VPS13A: variants seen among roughly 807,000 people sequenced by gnomAD.
VPS13A encodes vacuolar protein sorting 13 homolog A, also known as intermembrane lipid transfer protein VPS13A.
A neutral mutation model predicts 390.9 loss-of-function variants in VPS13A; 264 were observed. The observed-to-expected ratio is 0.68, with a 90% CI of 0.61 to 0.75. The LOEUF (loss-of-function observed/expected upper bound fraction) is 0.75. Ranked by LOEUF, VPS13A falls within the 30% of genes least tolerant of loss-of-function variation. VPS13A has a pLI of 0.00. For synonymous variants in VPS13A, 1,231 were observed against 1,227.1 expected, an observed-to-expected ratio of 1.00 and a Z score of -0.07; for missense variants, 3,409 against 3,733.9, an observed-to-expected ratio of 0.91 and a Z score of 2.27.
intron 68 of VPS13A, chr9:77,384,536 C>T: frequency 6.2e-7 from 1 of 1,609,424 alleles, no homozygotes; most frequent in Non-Finnish European, 8.5e-7. Context: ...AGCAATTTGC[C>T]ATACTCTACT....
chr9:77,307,106 G>C (rs72744289), intron 34 of VPS13A, among the ~76,000 whole-genome samples: 8,727 of 152,030 alleles, frequency 0.057, 369 homozygotes, highest in South Asian at 0.12. Context: ...GTTTCACCGT[G>C]TTGGCTGGGC....
chr9:77,366,687 A>G, intron 60 of VPS13A, 40 bp from the exon 61 acceptor site: 1 of 1,537,952 alleles, frequency 6.5e-7, no homozygotes, highest in South Asian at 1.2e-5. Context: ...TGTCAATATG[A>G]AGAAAATACT....
chr9:77,354,839 G>A (rs1227330351), intron 54 of VPS13A, among the ~76,000 whole-genome samples: 1 of 152,070 alleles, frequency 6.6e-6, no homozygotes, highest in Non-Finnish European at 1.5e-5. Flanking sequence ...ACCAGCGTTT[G>A]CATACTACTT....
intron 45 of VPS13A, among the ~76,000 whole-genome samples, chr9:77,327,504 T>C (rs1368741316): frequency 6.6e-6 from 1 of 152,132 alleles, no homozygotes; most frequent in African/African-American, 2.4e-5. Context: ...TTCTCATGTT[T>C]TATATGCTGC....
At position 77,220,099 on chromosome 9, in the gene VPS13A, A is replaced by G; in HGVS notation, c.882+18A>G. 3.1e-6 allele frequency: 5 copies of G among 1,590,836 alleles called. No homozygotes were observed. Among genetic ancestry groups the G allele is most frequent in the Non-Finnish European group, 3.4e-6 (4 of 1,162,674 alleles). ...AACCACAGGTGATTTTCTTTAATAT[A>G]ATTTTCAATTGTGAATTATTGTTTG... On this transcript the variant is annotated intron_variant, in intron 11 of 71. Transcript: ENST00000360280.
intron 46 of VPS13A, among the ~76,000 whole-genome samples, chr9:77,334,773 G>A (rs1481213194): frequency 6.6e-6 from 1 of 152,178 alleles, no homozygotes; most frequent in African/African-American, 2.4e-5. Flanking sequence ...AAAAATTAAG[G>A]TTTTGTCTTT....
intron 71 of VPS13A, among the ~76,000 whole-genome samples, chr9:77,413,645 A>C (rs1835041636): frequency 6.6e-6 from 1 of 152,236 alleles, no homozygotes; most frequent in African/African-American, 2.4e-5. Flanking sequence ...ACCCTAGAAG[A>C]AAACTTAGGC....
intron 52 of VPS13A, among the ~76,000 whole-genome samples, chr9:77,348,065 TG>T (rs1831250297): frequency 6.6e-6 from 1 of 152,180 alleles, no homozygotes. Context: ...GACAGTGTGG[TG>T]ATTCCTCAAA....
intron 50 of VPS13A, among the ~76,000 whole-genome samples, chr9:77,341,637 T>C (rs762646889): frequency 2.7e-4 from 40 of 149,698 alleles, no homozygotes; most frequent in Non-Finnish European, 5.0e-4. Flanking sequence ...AGCTCTTTTA[T>C]ATTTTCCAAC....
intron 23 of VPS13A, among the ~76,000 whole-genome samples, chr9:77,270,277 C>G (rs558379448): frequency 1.3e-5 from 2 of 152,220 alleles, no homozygotes; most frequent in Admixed American, 6.5e-5. Context: ...GACGTTCAAG[C>G]TGTTTCTGTT....
chr9:77,370,735 T>G (rs1304110637), intron 65 of VPS13A, 155 bp from the exon 66 acceptor site: 6 of 627,920 alleles, frequency 9.6e-6, no homozygotes, highest in Non-Finnish European at 1.1e-5. Flanking sequence ...GTCAGTAGCC[T>G]CTAAAACATT....
At chr9:77,242,618 T>A (rs1222165487) in intron 19 of VPS13A, among the ~76,000 whole-genome samples, 1 of 152,034 alleles carries the variant, frequency 6.6e-6, no homozygotes, top group Non-Finnish European at 1.5e-5. Context: ...ATATACTGAG[T>A]AGAAACCAAA....
chr9:77,202,096 G>A (rs761923267), intron 3 of VPS13A, among the ~76,000 whole-genome samples: 1 of 152,056 alleles, frequency 6.6e-6, no homozygotes, highest in East Asian at 1.9e-4. Flanking sequence ...TGTTATTGAA[G>A]CTATACTGTT....
rs1158527768 is a variant in VPS13A, at chr9:77,345,234, C to A, written c.7289+92C>A. 6 of 1,319,502 alleles carry A rather than the reference C, an allele frequency of 4.5e-6. No homozygotes were observed. The African/African-American group carries it at 5.8e-5, about 13-fold the overall frequency. 81.7% of individuals were successfully genotyped at this position (1,319,502 alleles called of 1,614,324 possible). A position where few individuals can be genotyped will look rare whatever the true frequency, so the allele number is the denominator to read the frequency against. On this transcript the variant is annotated intron_variant, in intron 52 of 71. Coordinates refer to ENST00000360280, the MANE Select transcript of VPS13A (RefSeq NM_033305.3). The stretch of plus-strand genomic sequence containing the variant: ...TGATAATTTCTTAAGAGTATAAACA[C>A]TGATAATAGCATTGTAGCTGTGTAA...
intron 52 of VPS13A, among the ~76,000 whole-genome samples, chr9:77,348,219 A>G (rs143191537): frequency 8.1e-4 from 124 of 152,330 alleles, no homozygotes; most frequent in African/African-American, 2.7e-3. Flanking sequence ...ACATGGAATC[A>G]ACCCAAATGC....
intron 71 of VPS13A, among the ~76,000 whole-genome samples, chr9:77,413,661 C>T (rs1410866032): frequency 2.0e-5 from 3 of 152,084 alleles, no homozygotes; most frequent in African/African-American, 7.2e-5. Context: ...TAGGCAATAC[C>T]ATTCAGGACA....
At position 77,419,587 on chromosome 9, in the gene VPS13A, T is replaced by C. The variant is rs568104284; in HGVS notation, c.*3581T>C. 2.0e-5 allele frequency: 3 copies of C among 152,290 alleles called. No homozygotes were observed. In the East Asian group the frequency reaches 5.8e-4, roughly 29 times the overall value. The allele number at this position is 152,290 out of a possible 1,614,324, so 9.4% of individuals were successfully genotyped here. On this transcript the variant is annotated 3_prime_UTR_variant, in exon 72 of 72. Transcript: ENST00000360280. ...TTGAGTGAGAAGATGGAATCACTCT[T>C]GGTTTCTAAAATATTTTTCTTCTCT...
intron 1 of VPS13A, among the ~76,000 whole-genome samples, chr9:77,186,882 T>A (rs1209766740): frequency 6.6e-6 from 1 of 152,208 alleles, no homozygotes; most frequent in African/African-American, 2.4e-5. Context: ...CGTTAAGCAA[T>A]GACTACCCAT....
intron 68 of VPS13A, among the ~76,000 whole-genome samples, chr9:77,400,783 G>A (rs1425317999): frequency 1.4e-5 from 2 of 147,906 alleles, no homozygotes; most frequent in Non-Finnish European, 3.0e-5. Context: ...AGCCGAGATC[G>A]CATCACTGCA....
Sources: allele counts gnomAD v4.1 joint callset (sites outside exome capture counted in the v4.1 genomes callset), GRCh38; gene constraint gnomAD v4.1.1; transcripts MANE v1.5; gene names NCBI Gene and HGNC (gene_info 2026-07-23, HGNC 2026-07-21).